The following RBFOX1 variants were observed in gnomAD, a reference collection of about 807,000 sequenced individuals.
RBFOX1 encodes the protein RNA binding protein fox-1 homolog 1.
In RBFOX1, 8 loss-of-function variants were observed where a neutral mutation model predicts 57.7. The observed-to-expected ratio is 0.14, with a 90% CI of 0.08 to 0.25. RBFOX1 has a LOEUF of 0.25. Among genes scored for constraint, RBFOX1 ranks in the 10% least tolerant of loss-of-function variants. RBFOX1 has a pLI of 1.00. For missense variants in RBFOX1, 611 were observed against 548.5 expected (o/e 1.11, Z -1.14); for synonymous variants, 326 against 222.4 (o/e 1.47, Z -4.15).
intron 2 of RBFOX1, among the ~76,000 whole-genome samples, chr16:6,557,242 C>G (rs1383450458): frequency 1.3e-5 from 2 of 150,836 alleles, no homozygotes; most frequent in South Asian, 2.1e-4. Context: ...AATCACCATG[C>G]CCTTCTTTTT....
At chr16:5,361,346 A>G (rs1227491708) in intron 1 of RBFOX1, among the ~76,000 whole-genome samples, 1 of 152,220 alleles carries the variant, frequency 6.6e-6, no homozygotes, top group Non-Finnish European at 1.5e-5. Flanking sequence ...CCAACTAGGT[A>G]GTTACCCAGA....
At chr16:6,997,269 G>C (rs1251936026) in intron 3 of RBFOX1, among the ~76,000 whole-genome samples, 1 of 151,804 alleles carries the variant, frequency 6.6e-6, no homozygotes, top group Non-Finnish European at 1.5e-5. Context: ...TCTCCTTCTA[G>C]TAAAAAAAAG....
chr16:6,513,358 A>C (rs1337928084), intron 2 of RBFOX1, among the ~76,000 whole-genome samples: 1 of 152,214 alleles, frequency 6.6e-6, no homozygotes, highest in South Asian at 2.1e-4. Context: ...CTTGGATAGC[A>C]TTCCTTATGG....
chr16:6,640,621 A>G (rs2098479550), intron 2 of RBFOX1, among the ~76,000 whole-genome samples: 1 of 152,118 alleles, frequency 6.6e-6, no homozygotes, highest in Admixed American at 6.6e-5. Flanking sequence ...ATAAATAAAT[A>G]AATAAATAAA....
intron 4 of RBFOX1, among the ~76,000 whole-genome samples, chr16:5,883,692 C>T (rs186690038): frequency 3.3e-5 from 5 of 152,042 alleles, no homozygotes; most frequent in Admixed American, 6.6e-5. Flanking sequence ...CTTTCTTGTT[C>T]TGAGTAGAAC....
At position 7,457,449 on chromosome 16, in the gene RBFOX1, G is replaced by A. The variant is rs115434241; in HGVS notation, c.28-60698G>A. 2.9e-3 allele frequency among the ~76,000 whole-genome samples: 442 copies of A among 152,154 alleles called. 1 individual carries two copies. Among genetic ancestry groups the A allele is most frequent in the African/African-American group, 9.5e-3 (395 of 41,480 alleles). On this transcript the variant is annotated intron_variant, in intron 4 of 15. Coordinates refer to ENST00000550418, the MANE Select transcript of RBFOX1 (RefSeq NM_018723.4). Reference sequence around the variant, plus strand: ...CGTGGATTGAAAATCACACGTACACGGACACATCTATTTACGTATAAATAT... The same window carrying A: ...CGTGGATTGAAAATCACACGTACACAGACACATCTATTTACGTATAAATAT...
At chr16:6,188,837 C>T (rs1418603570) in intron 1 of RBFOX1, among the ~76,000 whole-genome samples, 1 of 152,196 alleles carries the variant, frequency 6.6e-6, no homozygotes, top group Non-Finnish European at 1.5e-5. Context: ...CATTTTTAGC[C>T]AGGTGTATCA....
intron 4 of RBFOX1, among the ~76,000 whole-genome samples, chr16:7,195,330 G>A (rs990218646): frequency 6.6e-6 from 1 of 152,118 alleles, no homozygotes; most frequent in Non-Finnish European, 1.5e-5. Flanking sequence ...TGGTTGCAGT[G>A]TCTTTTCTAG....
chr16:6,155,818 T>G (rs1656949772), intron 1 of RBFOX1, among the ~76,000 whole-genome samples: 1 of 152,162 alleles, frequency 6.6e-6, no homozygotes, highest in Non-Finnish European at 1.5e-5. Context: ...ATTTTTATAG[T>G]TTAAAAGAAC....
intron 4 of RBFOX1, among the ~76,000 whole-genome samples, chr16:5,982,271 A>T (rs938533876): frequency 6.7e-6 from 1 of 148,786 alleles, no homozygotes; most frequent in Non-Finnish European, 1.5e-5. Context: ...TTGCACATGA[A>T]TTTTTTTTTT....
intron 3 of RBFOX1, among the ~76,000 whole-genome samples, chr16:6,941,452 T>G (rs2078499714): frequency 6.6e-6 from 1 of 151,800 alleles, no homozygotes; most frequent in South Asian, 2.1e-4. Flanking sequence ...AACACCAAAG[T>G]CCTCTAACAT....
At chr16:6,090,219 T>C (rs1431132159) in intron 1 of RBFOX1, 2 of 152,170 alleles carry the variant, frequency 1.3e-5, no homozygotes, top group Non-Finnish European at 2.9e-5. Context: ...TGTGACTACA[T>C]TGGGCCCACA....
intron 4 of RBFOX1, among the ~76,000 whole-genome samples, chr16:7,234,914 A>T (rs557964103): frequency 1.3e-5 from 2 of 152,114 alleles, no homozygotes; most frequent in Non-Finnish European, 2.9e-5. Context: ...TCCCAATTCC[A>T]TTTTCAGAGA....
At chr16:6,305,406 C>T (rs943573634) in intron 1 of RBFOX1, among the ~76,000 whole-genome samples, 1 of 152,068 alleles carries the variant, frequency 6.6e-6, no homozygotes, top group African/African-American at 2.4e-5. Context: ...TGAGATGCTC[C>T]TCCTCCTCCT....
At chr16:5,748,832 A>C (rs1168559057) in intron 3 of RBFOX1, among the ~76,000 whole-genome samples, 2 of 152,172 alleles carry the variant, frequency 1.3e-5, no homozygotes, top group African/African-American at 2.4e-5. Flanking sequence ...CCAATTTGCC[A>C]GTCTGTGTCT....
intron 1 of RBFOX1, among the ~76,000 whole-genome samples, chr16:5,298,405 G>A (rs1292269603): frequency 6.7e-6 from 1 of 150,214 alleles, no homozygotes; most frequent in Non-Finnish European, 1.5e-5. Context: ...GATTTCTAGA[G>A]CGCTCCAAAA....
At chr16:5,868,728 A>T (rs959574769) in intron 4 of RBFOX1, among the ~76,000 whole-genome samples, 9 of 152,196 alleles carry the variant, frequency 5.9e-5, no homozygotes. Context: ...ACTGTCACCT[A>T]TGTCCCCATG....
At chr16:5,539,987 G>C (rs541977665) in intron 2 of RBFOX1, among the ~76,000 whole-genome samples, 2 of 152,248 alleles carry the variant, frequency 1.3e-5, no homozygotes, top group East Asian at 3.9e-4. Flanking sequence ...GTACATTTTA[G>C]CATTTAACCA....
chr16:7,245,962 GA>G (rs1313702725), intron 4 of RBFOX1, among the ~76,000 whole-genome samples: 2 of 151,944 alleles, frequency 1.3e-5, no homozygotes, highest in Non-Finnish European at 2.9e-5. Context: ...GCCCATCCCT[GA>G]AAAAAAGTAT....
Sources: gnomAD v4.1 joint callset for allele counts (sites outside exome capture counted in the v4.1 genomes callset) on GRCh38, gnomAD v4.1.1 for gene constraint, MANE v1.5 for transcripts, NCBI Gene and HGNC (gene_info 2026-07-23, HGNC 2026-07-21) for gene names.